The following SH3KBP1 variants were observed in gnomAD, a reference collection of about 807,000 sequenced individuals.
SH3KBP1 encodes the protein SH3 domain-containing kinase-binding protein 1.
Under a neutral mutation model 50.1 loss-of-function variants are expected in SH3KBP1, and 8 were observed. The ratio of observed to expected loss-of-function variants is 0.16; its 90% CI spans 0.09 to 0.29. SH3KBP1 has a LOEUF of 0.29. SH3KBP1 is among the 10% of genes least tolerant of loss of function. SH3KBP1 has a pLI of 1.00. For missense variants in SH3KBP1, 377 were observed against 535.2 expected (o/e 0.70, Z 2.92); for synonymous variants, 227 against 218.6 (o/e 1.04, Z -0.34).
intron 9 of SH3KBP1, among the ~76,000 whole-genome samples, chrX:19,596,253 G>GA (rs1292422365): frequency 8.9e-6 from 1 of 111,789 alleles, no homozygotes; most frequent in Admixed American, 9.5e-5. Context: ...CGAGTCACAG[G>GA]AATTTTTTTG....
Position 19,541,962 on chromosome X carries a change from G to A in SH3KBP1, c.1855C>T (p.Leu619=), listed in dbSNP as rs2064920760. ...VEELRTQVRE[L]RSIIETMKDQ... ...TTCATGGTCTCGATGATGCTCCTCAGCTCGCGGACCTGTGTCCTTAGCTCC... is the reference window on the plus strand; with the variant it reads ...TTCATGGTCTCGATGATGCTCCTCAACTCGCGGACCTGTGTCCTTAGCTCC... The change falls in exon 16 of 18, where the codon CTG becomes TTG. Residue 619 remains leucine, a synonymous_variant. Coordinates refer to ENST00000397821, the MANE Select transcript of SH3KBP1 (RefSeq NM_031892.3). 3.3e-6 allele frequency: 4 copies of A among 1,211,291 alleles called. No homozygotes were observed. Among genetic ancestry groups the A allele is most frequent in the Non-Finnish European group, 4.5e-6 (4 of 895,232 alleles).
chrX:19,756,583 G>T (rs1391203225), intron 2 of SH3KBP1, among the ~76,000 whole-genome samples: 1 of 111,599 alleles, frequency 9.0e-6, no homozygotes, highest in Admixed American at 9.5e-5. Flanking sequence ...CAGCCTCTGT[G>T]GGAAGCAACT....
At chrX:19,744,687 T>C (rs1420757916) in intron 3 of SH3KBP1, among the ~76,000 whole-genome samples, 1 of 112,226 alleles carries the variant, frequency 8.9e-6, no homozygotes, top group African/African-American at 3.2e-5. Flanking sequence ...AAATGGAATG[T>C]AAGGCAGTAA....
chrX:19,746,592 T>C, intron 2 of SH3KBP1, 151 bp from the exon 3 acceptor site: 4 of 575,105 alleles, frequency 7.0e-6, no homozygotes, highest in Non-Finnish European at 1.1e-5. Flanking sequence ...TTCTGTATCT[T>C]TGTAGTTTTC....
intron 1 of SH3KBP1, among the ~76,000 whole-genome samples, chrX:19,874,071 AT>A (rs2069163785): frequency 1.2e-5 from 1 of 80,209 alleles, no homozygotes; most frequent in Non-Finnish European, 2.4e-5. Context: ...AAAAAAAAAT[AT>A]ATATATATAT....
intron 3 of SH3KBP1, among the ~76,000 whole-genome samples, chrX:19,727,071 T>C (rs2064241185): frequency 8.9e-6 from 1 of 112,407 alleles, no homozygotes; most frequent in Non-Finnish European, 1.9e-5. Flanking sequence ...CTGTAATTGC[T>C]AATTGATAGA....
intron 4 of SH3KBP1, among the ~76,000 whole-genome samples, chrX:19,703,539 T>C (rs940985412): frequency 8.9e-6 from 1 of 111,982 alleles, no homozygotes; most frequent in Non-Finnish European, 1.9e-5. Context: ...TGATAAATGA[T>C]GAATGAATAT....
intron 3 of SH3KBP1, among the ~76,000 whole-genome samples, chrX:19,736,535 C>T (rs2064581936): frequency 1.8e-5 from 2 of 112,350 alleles, no homozygotes; most frequent in Admixed American, 9.4e-5. Flanking sequence ...TTTTCATGCA[C>T]AGGCACATGC....
intron 1 of SH3KBP1, among the ~76,000 whole-genome samples, chrX:19,874,189 C>G (rs1267169236): frequency 9.9e-6 from 1 of 101,450 alleles, no homozygotes; most frequent in South Asian, 4.5e-4. Context: ...CTGTCCCTGG[C>G]TCTTCCTGCC....
intron 3 of SH3KBP1, among the ~76,000 whole-genome samples, chrX:19,731,650 T>C (rs1057143314): frequency 1.6e-4 from 18 of 112,100 alleles, no homozygotes; most frequent in African/African-American, 5.5e-4. Flanking sequence ...CAGCTTCCCC[T>C]TAACCATGTA....
intron 6 of SH3KBP1, among the ~76,000 whole-genome samples, chrX:19,668,974 A>ATATT (rs1491195501): frequency 5.0e-4 from 32 of 63,891 alleles, no homozygotes; most frequent in East Asian, 3.2e-3. Context: ...ATATATATAT[A>ATATT]TTTTTTGAGA....
intron 6 of SH3KBP1, among the ~76,000 whole-genome samples, chrX:19,665,299 C>T (rs750954263): frequency 8.9e-6 from 1 of 112,172 alleles, no homozygotes; most frequent in South Asian, 3.7e-4. Context: ...AATACAACTT[C>T]TGAGTGATAC....
intron 12 of SH3KBP1, among the ~76,000 whole-genome samples, chrX:19,584,454 T>C (rs1183651987): frequency 9.4e-6 from 1 of 106,816 alleles, no homozygotes; most frequent in African/African-American, 3.4e-5. Flanking sequence ...TTTAGCATCC[T>C]GAGTAGCTGA....
At chrX:19,691,388 T>C (rs1436613745) in intron 5 of SH3KBP1, among the ~76,000 whole-genome samples, 2 of 103,103 alleles carry the variant, frequency 1.9e-5, no homozygotes. Context: ...AGATTATATA[T>C]ATATATATAT....
chrX:19,565,320 C>T (rs2065813125), intron 13 of SH3KBP1, among the ~76,000 whole-genome samples: 1 of 110,287 alleles, frequency 9.1e-6, no homozygotes, highest in East Asian at 2.9e-4. Flanking sequence ...CCTTGGCCTC[C>T]CAAAGCGCTG....
At chrX:19,768,497 C>T (rs963837371) in intron 2 of SH3KBP1, among the ~76,000 whole-genome samples, 16 of 96,607 alleles carry the variant, frequency 1.7e-4, no homozygotes, top group Non-Finnish European at 2.9e-4. Flanking sequence ...AGCCACACAA[C>T]CAAATGGCAC....
chrX:19,887,280 G>A, intron 1 of SH3KBP1, 27 bp downstream of exon 1: 1 of 974,466 alleles, frequency 1.0e-6, no homozygotes, highest in Non-Finnish European at 1.3e-6. Flanking sequence ...TGAAGTGGAC[G>A]CCCGGACGCG....
chrX:19,680,957 C>G (rs1471625939), intron 6 of SH3KBP1, among the ~76,000 whole-genome samples: 1 of 112,006 alleles, frequency 8.9e-6, no homozygotes, highest in Non-Finnish European at 1.9e-5. Context: ...AAGATGCATA[C>G]ACGAATGCGT....
chrX:19,801,375 A>G (rs995492591), intron 2 of SH3KBP1, among the ~76,000 whole-genome samples: 2 of 111,762 alleles, frequency 1.8e-5, no homozygotes, highest in African/African-American at 6.5e-5. Context: ...TAGCCTCCCA[A>G]TTATGCAAAA....
Sources: gnomAD v4.1 joint callset for allele counts (sites outside exome capture counted in the v4.1 genomes callset) on GRCh38, gnomAD v4.1.1 for gene constraint, MANE v1.5 for transcripts, NCBI Gene and HGNC (gene_info 2026-07-23, HGNC 2026-07-21) for gene names.